NCOR1: variants seen among roughly 807,000 people sequenced by gnomAD.
NCOR1 encodes the protein protein phosphatase 1, regulatory subunit 109.
A neutral mutation model predicts 288.1 loss-of-function variants in NCOR1; 63 were observed. That is an observed-to-expected ratio of 0.22 (90% CI 0.18 to 0.27). The LOEUF (loss-of-function observed/expected upper bound fraction) is 0.27. NCOR1 is among the 10% of genes least tolerant of loss of function. NCOR1 has a pLI of 1.00. For synonymous variants in NCOR1, 1,007 were observed against 1,065.9 expected, an observed-to-expected ratio of 0.94 and a Z score of 1.08; for missense variants, 2,397 against 3,019.2, an observed-to-expected ratio of 0.79 and a Z score of 4.83.
chr17:16,121,420 C>A, intron 15 of NCOR1, 151 bp from the exon 16 acceptor site: 2 of 641,300 alleles, frequency 3.1e-6, no homozygotes, highest in Non-Finnish European at 4.9e-6. Context: ...TTCTGCCATA[C>A]CATAGTTTTT....
At position 16,142,199 on chromosome 17, in the gene NCOR1, C is replaced by G. The variant is rs550969266; in HGVS notation, c.1173+1407G>C. ...GAAGTCATAACACTGCTTTTTACTT[C>G]TAAATGTGCTAAGTAGTATGAAAAC... On this transcript the variant is annotated intron_variant, in intron 11 of 45. Coordinates refer to ENST00000268712, the MANE Select transcript of NCOR1 (RefSeq NM_006311.4). 1.8e-3 allele frequency among the ~76,000 whole-genome samples: 271 copies of G among 152,248 alleles called. 2 individuals carry two copies. Among genetic ancestry groups the G allele is most frequent in the Non-Finnish European group, 1.4e-3 (96 of 68,014 alleles).
intron 22 of NCOR1, among the ~76,000 whole-genome samples, chr17:16,089,921 C>T (rs2064906381): frequency 6.6e-6 from 1 of 152,054 alleles, no homozygotes; most frequent in African/African-American, 2.4e-5. Flanking sequence ...TAAACTTGCC[C>T]TACTTTGTAG....
chr17:16,167,770 G>T (rs1457849830), intron 4 of NCOR1, among the ~76,000 whole-genome samples: 1 of 146,088 alleles, frequency 6.8e-6, no homozygotes, highest in Non-Finnish European at 1.5e-5. Context: ...TGAGGCAGGA[G>T]AATGGCTTGA....
At chr17:16,095,033 G>A (rs2066141253) in intron 21 of NCOR1, among the ~76,000 whole-genome samples, 1 of 150,852 alleles carries the variant, frequency 6.6e-6, no homozygotes, top group Admixed American at 6.6e-5. Flanking sequence ...CCCACCGTCT[G>A]GGATGTGAGG....
chr17:16,163,304 G>A (rs1223634880), intron 5 of NCOR1, among the ~76,000 whole-genome samples: 1 of 152,008 alleles, frequency 6.6e-6, no homozygotes. Flanking sequence ...AATATATAAA[G>A]AATTCTTAGA....
chr17:16,131,029 C>T, intron 14 of NCOR1, among the ~76,000 whole-genome samples: 1 of 149,318 alleles, frequency 6.7e-6, no homozygotes, highest in Non-Finnish European at 1.5e-5. Context: ...CCTTCTGTCG[C>T]CCAGGCTGGA....
chr17:16,051,032 T>G (rs2059250607), intron 40 of NCOR1, among the ~76,000 whole-genome samples: 1 of 151,952 alleles, frequency 6.6e-6, no homozygotes, highest in South Asian at 2.1e-4. Flanking sequence ...GGAGATGGGG[T>G]CTCACTACAT....
chr17:16,054,070 T>TAAAAAAAAAA (rs752015595), intron 40 of NCOR1, among the ~76,000 whole-genome samples: 107 of 71,816 alleles, frequency 1.5e-3, no homozygotes, highest in East Asian at 2.2e-3. Flanking sequence ...GACTTAAATG[T>TAAAAAAAAAA]AAAAAAAAAA....
chr17:16,210,335 G>A (rs1046832148), intron 1 of NCOR1, among the ~76,000 whole-genome samples: 13 of 152,166 alleles, frequency 8.5e-5, no homozygotes, highest in Non-Finnish European at 1.8e-4. Flanking sequence ...GGTGACCTGA[G>A]ACAGCGCCAT....
At chr17:16,057,777 G>C in intron 39 of NCOR1, 40 bp from the exon 40 acceptor site, 1 of 1,560,644 alleles carries the variant, frequency 6.4e-7, no homozygotes, top group South Asian at 1.2e-5. Context: ...AATTCATTGA[G>C]TACTTGCAAA....
At chr17:16,058,344 G>A (rs1439551936) in intron 38 of NCOR1, 127 bp downstream of exon 38, 6 of 1,206,146 alleles carry the variant, frequency 5.0e-6, no homozygotes, top group Non-Finnish European at 6.9e-6. Flanking sequence ...TTCTAAAGAA[G>A]GCTCATGTAA....
chr17:16,195,279 T>C (rs2089513769), intron 1 of NCOR1, among the ~76,000 whole-genome samples: 1 of 152,174 alleles, frequency 6.6e-6, no homozygotes. Flanking sequence ...GAGACCAGCC[T>C]GGCCAACATG....
chr17:16,153,451 A>AAAATATTTCT, intron 6 of NCOR1, 56 bp from the exon 7 acceptor site: 1 of 1,150,108 alleles, frequency 8.7e-7, no homozygotes, highest in Non-Finnish European at 1.3e-6. Context: ...ATCTAAGTGC[A>AAAATATTTCT]AAATAATTAT....
In NCOR1 at chr17:16,105,148, A is replaced by G. The variant is rs149564798; in HGVS notation, c.2183-3391T>C. Among the ~76,000 whole-genome samples the G allele has an allele frequency of 1.4e-4, 21 of 152,342 alleles. No individual in the cohort carries two copies. The East Asian group carries it at 3.9e-3, about 28-fold the overall frequency. On this transcript the variant is annotated intron_variant, in intron 19 of 45. Transcript: ENST00000268712. Reference sequence around the variant, plus strand: ...TTTATTTTTACTGAGATGGGAAAGTATTACAGAATTTGGACTAGAGAAGAA... The same window carrying G: ...TTTATTTTTACTGAGATGGGAAAGTGTTACAGAATTTGGACTAGAGAAGAA...
Position 16,119,781 on chromosome 17 carries a change from G to C in NCOR1, c.1853-296C>G, listed in dbSNP as rs1335124947. ...ACCTCACCCAGTAGCTTCCCACTTA[G>C]TGATCTCCACCTCTCCTCTCCTGCA... On this transcript the variant is annotated intron_variant, in intron 16 of 45. Transcript: ENST00000268712. Among the ~76,000 whole-genome samples, 3 of 151,922 alleles carry C rather than the reference G, an allele frequency of 2.0e-5. No homozygotes were observed. The East Asian group carries it at 5.8e-4, about 29-fold the overall frequency.
intron 14 of NCOR1, among the ~76,000 whole-genome samples, chr17:16,127,431 G>A (rs1418259091): frequency 7.6e-6 from 1 of 131,396 alleles, no homozygotes; most frequent in Non-Finnish European, 1.6e-5. Context: ...ATGTGTATAT[G>A]TGTATGTATA....
intron 22 of NCOR1, chr17:16,087,057 C>T (rs2064350611): frequency 1.3e-6 from 1 of 758,040 alleles, no homozygotes; most frequent in Non-Finnish European, 1.9e-6. Context: ...CAAAGTCATT[C>T]TGAAACAGCA....
chr17:16,128,848 A>T (rs969273015), intron 14 of NCOR1, among the ~76,000 whole-genome samples: 3 of 152,210 alleles, frequency 2.0e-5, no homozygotes, highest in African/African-American at 2.4e-5. Context: ...TCCCATCCAC[A>T]TTATGCCTCC....
chr17:16,033,650 C>T (rs1054102655), intron 45 of NCOR1, among the ~76,000 whole-genome samples: 1 of 91,142 alleles, frequency 1.1e-5, no homozygotes, highest in Non-Finnish European at 2.3e-5. Flanking sequence ...CGTAATATCC[C>T]AGTTTTAAAA....
Sources: gnomAD v4.1 joint callset for allele counts (sites outside exome capture counted in the v4.1 genomes callset) on GRCh38, gnomAD v4.1.1 for gene constraint, MANE v1.5 for transcripts, NCBI Gene and HGNC (gene_info 2026-07-23, HGNC 2026-07-21) for gene names.